Variants in ATP8B4 observed in about 807,000 individuals in gnomAD.
The protein encoded by ATP8B4 is ATPase phospholipid transporting 8B4 (putative), also known as probable phospholipid-transporting ATPase IM.
ATP8B4 carries 133 observed loss-of-function variants against 145.6 expected under a neutral mutation model. The observed-to-expected ratio is 0.91, with a 90% CI of 0.79 to 1.05. ATP8B4 has a LOEUF of 1.05. Ranked by LOEUF, ATP8B4 falls within the 50% of genes least tolerant of loss-of-function variation. The probability of loss-of-function intolerance (pLI) is 0.00; values close to 1 mark genes in which losing one functional copy is unlikely to be tolerated. For synonymous variants in ATP8B4, 507 were observed against 492.9 expected (o/e 1.03, Z -0.38); for missense variants, 1,458 against 1,425.2 (o/e 1.02, Z -0.37).
At chr15:49,928,692 G>A (rs916259170) in intron 16 of ATP8B4, among the ~76,000 whole-genome samples, 1 of 152,044 alleles carries the variant, frequency 6.6e-6, no homozygotes, top group East Asian at 1.9e-4. Flanking sequence ...AACTAAGGCA[G>A]GGTACTGGGA....
In ATP8B4 at chr15:49,923,504, A is replaced by C; in HGVS notation, c.1643-10T>G. On this transcript the variant is annotated splice_polypyrimidine_tract_variant and intron_variant, in intron 16 of 27. Coordinates refer to ENST00000284509, the MANE Select transcript of ATP8B4 (RefSeq NM_024837.4). Reference sequence around the variant, plus strand: ...CCTTCTGGGTTTCGAACTGAAAAGAAAAAAGTTTGGAAAAGCAGAATATAA... The same window carrying C: ...CCTTCTGGGTTTCGAACTGAAAAGACAAAAGTTTGGAAAAGCAGAATATAA... The C allele has an allele frequency of 6.4e-7, 1 of 1,569,492 alleles. No homozygotes were observed. The highest frequency in any genetic ancestry group is 8.7e-7 in the Non-Finnish European group (1 of 1,152,720).
At chr15:50,133,615 T>C (rs2044079205) in intron 1 of ATP8B4, among the ~76,000 whole-genome samples, 1 of 151,460 alleles carries the variant, frequency 6.6e-6, no homozygotes. Flanking sequence ...CAAAAATAAA[T>C]TAAAAATAAG....
intron 1 of ATP8B4, among the ~76,000 whole-genome samples, chr15:50,169,255 C>G (rs1181116147): frequency 6.6e-6 from 1 of 151,998 alleles, no homozygotes; most frequent in Non-Finnish European, 1.5e-5. Flanking sequence ...ACCACCAAAG[C>G]TAAGGACACT....
intron 2 of ATP8B4, among the ~76,000 whole-genome samples, chr15:50,089,951 T>C (rs751362263): frequency 1.1e-4 from 16 of 151,994 alleles, no homozygotes; most frequent in East Asian, 1.9e-4. Flanking sequence ...GACAAAGACA[T>C]AGAATCAACC....
intron 20 of ATP8B4, among the ~76,000 whole-genome samples, chr15:49,913,134 TG>T (rs199757559): frequency 6.6e-6 from 1 of 150,632 alleles, no homozygotes; most frequent in African/African-American, 2.5e-5. Context: ...CTTTTTTTTT[TG>T]TGTCTCAAAG....
At chr15:49,872,882 T>C (rs2033871772) in intron 25 of ATP8B4, among the ~76,000 whole-genome samples, 1 of 152,162 alleles carries the variant, frequency 6.6e-6, no homozygotes, top group East Asian at 1.9e-4. Context: ...GTTAATAGTA[T>C]TATACCAATG....
At position 49,931,099 on chromosome 15, in the gene ATP8B4, G is replaced by C. The variant is rs1208265899; in HGVS notation, c.1642+20C>G. The C allele has an allele frequency of 3.1e-6, 5 of 1,591,644 alleles. No homozygotes were observed. The East Asian group carries it at 1.1e-4, about 36-fold the overall frequency. ...CAACAGTATGAAAAGATCAAAAATA[G>C]TCTTAGCTACCAACCATACCTATGA... On this transcript the variant is annotated intron_variant, in intron 16 of 27. Transcript: ENST00000284509.
chr15:49,944,120 A>T (rs60028695), intron 14 of ATP8B4, among the ~76,000 whole-genome samples: 7,374 of 151,826 alleles, frequency 0.049, 631 homozygotes, highest in African/African-American at 0.17. Flanking sequence ...CGAAAGACTG[A>T]CAAAACACAA....
chr15:50,160,041 T>TTTTTTTTTG (rs2044493317), intron 1 of ATP8B4, among the ~76,000 whole-genome samples: 9 of 127,034 alleles, frequency 7.1e-5, no homozygotes, highest in African/African-American at 1.1e-4. Flanking sequence ...TTTTTTTTGC[T>TTTTTTTTTG]GGGAGACTTT....
chr15:49,946,706 A>G (rs2042599661), intron 14 of ATP8B4, among the ~76,000 whole-genome samples: 1 of 151,820 alleles, frequency 6.6e-6, no homozygotes, highest in Non-Finnish European at 1.5e-5. Context: ...CTTGCCCAGG[A>G]TCTCTAAGTA....
upstream of ATP8B4, among the ~76,000 whole-genome samples, chr15:50,120,022 G>A (rs1178400409): frequency 6.6e-6 from 1 of 152,092 alleles, no homozygotes; most frequent in Non-Finnish European, 1.5e-5. Flanking sequence ...AAATATTTTG[G>A]TGCATATCTA....
At position 50,119,190 on chromosome 15, in the gene ATP8B4, T is replaced by A. The variant is rs889706383; in HGVS notation, c.-110A>T. On this transcript the variant is annotated 5_prime_UTR_variant, in exon 1 of 28. Transcript: ENST00000284509. Reference sequence around the variant, plus strand: ...CAGCAGTGCAGGAAGATCAAACAGGTATCCATTCCGTGACCATGCCAAGGA... The same window carrying A: ...CAGCAGTGCAGGAAGATCAAACAGGAATCCATTCCGTGACCATGCCAAGGA... The A allele has an allele frequency of 3.9e-5, 6 of 152,230 alleles. No homozygotes were observed. The highest frequency in any genetic ancestry group is 1.4e-4 in the African/African-American group (6 of 41,412). The allele number at this position is 152,230 out of a possible 1,614,324, so 9.4% of individuals were successfully genotyped here.
chr15:50,004,405 A>C (rs1478253482), intron 7 of ATP8B4, among the ~76,000 whole-genome samples: 1 of 152,180 alleles, frequency 6.6e-6, no homozygotes. Flanking sequence ...GTGCTGTGCC[A>C]GGAGTGGAGC....
intron 8 of ATP8B4, among the ~76,000 whole-genome samples, chr15:50,001,072 A>C (rs1217979337): frequency 6.7e-6 from 1 of 150,202 alleles, no homozygotes; most frequent in Non-Finnish European, 1.5e-5. Context: ...TTTTTCTTTT[A>C]TCAGTATTCT....
At chr15:50,139,150 C>A (rs1490464872) in intron 1 of ATP8B4, among the ~76,000 whole-genome samples, 1 of 152,160 alleles carries the variant, frequency 6.6e-6, no homozygotes, top group Non-Finnish European at 1.5e-5. Context: ...ATGTTTATTG[C>A]AGCACTATTC....
chr15:49,988,219 T>C (rs564310171), intron 9 of ATP8B4, among the ~76,000 whole-genome samples: 29 of 152,308 alleles, frequency 1.9e-4, no homozygotes, highest in African/African-American at 6.7e-4. Flanking sequence ...ACCAAGGGCA[T>C]GCCCACTCCA....
chr15:50,045,817 G>T (rs1395737140), intron 4 of ATP8B4, among the ~76,000 whole-genome samples: 1 of 152,132 alleles, frequency 6.6e-6, no homozygotes, highest in African/African-American at 2.4e-5. Context: ...ATGAACAAGA[G>T]CCTTTGGCCA....
rs1022767441 is a variant in ATP8B4 at position 49,866,216 on chromosome 15, G to T, written c.3166+130C>A. On this transcript the variant is annotated intron_variant, in intron 26 of 27. Transcript: ENST00000284509. ...CTTTTAAACTCGGAAGCCTTCAGAT[G>T]CCTGGCTCAAACAATTTCTGGACAA... The T allele has an allele frequency of 3.1e-6, 4 of 1,311,426 alleles. No homozygotes were observed. In the African/African-American group the frequency reaches 4.5e-5, roughly 15 times the overall value. 81.2% of individuals were successfully genotyped at this position (1,311,426 alleles called of 1,614,324 possible). A position where few individuals can be genotyped will look rare whatever the true frequency, so the allele number is the denominator to read the frequency against.
upstream of ATP8B4, among the ~76,000 whole-genome samples, chr15:50,124,210 G>C (rs746844480): frequency 6.6e-6 from 1 of 152,084 alleles, no homozygotes; most frequent in African/African-American, 2.4e-5. Context: ...ACTTTCCACT[G>C]TGTATTGGGC....
Sources: gnomAD v4.1 joint callset for allele counts (sites outside exome capture counted in the v4.1 genomes callset) on GRCh38, gnomAD v4.1.1 for gene constraint, MANE v1.5 for transcripts, NCBI Gene and HGNC (gene_info 2026-07-23, HGNC 2026-07-21) for gene names.